Variants in GRIK1 observed in about 807,000 individuals in gnomAD.
The protein encoded by GRIK1 is glutamate receptor ionotropic, kainate 1.
GRIK1 carries 69 observed loss-of-function variants against 105.7 expected under a neutral mutation model. That is an observed-to-expected ratio of 0.65 (90% CI 0.54 to 0.80). The LOEUF (loss-of-function observed/expected upper bound fraction) is 0.80, where lower values mean the gene tolerates loss of function less well. Ranked by LOEUF, GRIK1 falls within the 30% of genes least tolerant of loss-of-function variation. GRIK1 has a pLI of 0.00. For missense variants in GRIK1, 1,109 were observed against 1,167.3 expected, an observed-to-expected ratio of 0.95 and a Z score of 0.73; for synonymous variants, 438 against 431.3, an observed-to-expected ratio of 1.02 and a Z score of -0.19.
At position 29,651,162 on chromosome 21, in the gene GRIK1, C is replaced by T. The variant is rs548090334; in HGVS notation, c.910G>A (p.Ala304Thr). Residue 304 changes from alanine to threonine, a missense_variant, in exon 6 of 18, where the codon GCC becomes ACC. Around this residue, in one of 5 missense-constraint regions of GRIK1, gnomAD observed 612 missense variants for 586.0 expected, o/e 1.04. Transcript: ENST00000327783. ...IEKWSMERLQAPPRPETGLLD... is the reference protein window; with the variant it reads ...IEKWSMERLQTPPRPETGLLD... Reference sequence around the variant, plus strand: ...AGGCCAGTCTCGGGCCTGGGTGGGGCCTGCAGTCTCTCCATGGACCACTTC... The same window carrying T: ...AGGCCAGTCTCGGGCCTGGGTGGGGTCTGCAGTCTCTCCATGGACCACTTC... 46 of 1,613,874 alleles carry T rather than the reference C, an allele frequency of 2.9e-5. No individual in the cohort carries two copies. In the South Asian group the frequency reaches 4.9e-4, roughly 17 times the overall value.
At chr21:29,780,116 G>T (rs1180129696) in intron 1 of GRIK1, among the ~76,000 whole-genome samples, 1 of 152,094 alleles carries the variant, frequency 6.6e-6, no homozygotes, top group Non-Finnish European at 1.5e-5. Flanking sequence ...TCTTAATTAG[G>T]TGGATTCAGT....
intron 1 of GRIK1, among the ~76,000 whole-genome samples, chr21:29,899,070 A>G (rs763408640): frequency 2.6e-5 from 4 of 152,198 alleles, no homozygotes; most frequent in Non-Finnish European, 1.5e-5. Flanking sequence ...TCTAAAAGTC[A>G]GTTTTTAACT....
chr21:29,828,759 A>G (rs1440299982), intron 1 of GRIK1, among the ~76,000 whole-genome samples: 2 of 152,118 alleles, frequency 1.3e-5, no homozygotes, highest in East Asian at 3.9e-4. Context: ...TTGGCCTTCA[A>G]AAGTGCTAGG....
At chr21:29,581,831 A>T (rs545726985) in intron 12 of GRIK1, among the ~76,000 whole-genome samples, 1 of 152,264 alleles carries the variant, frequency 6.6e-6, no homozygotes, top group African/African-American at 2.4e-5. Flanking sequence ...ATTCATTTCC[A>T]TATTACTGAA....
chr21:29,575,684 TAGCC>T (rs2090874363), intron 14 of GRIK1, among the ~76,000 whole-genome samples: 1 of 151,896 alleles, frequency 6.6e-6, no homozygotes, highest in African/African-American at 2.4e-5. Flanking sequence ...ATACAAAAAT[TAGCC>T]AGGTGTGGTG....
rs144064276 is a variant in GRIK1 at position 29,613,102 on chromosome 21, A to G, written c.1099-14165T>C. The stretch of plus-strand genomic sequence containing the variant: ...TAGTCTTTATCTAGTCGTTGTGAAA[A>G]TGAAAAGAGATAGTGCTTCAAAGCA... On this transcript the variant is annotated intron_variant, in intron 7 of 17. Coordinates refer to ENST00000327783, the MANE Select transcript of GRIK1 (RefSeq NM_001330994.2). Among the ~76,000 whole-genome samples, 208 of 152,288 alleles carry G rather than the reference A, an allele frequency of 1.4e-3. 2 individuals are homozygous for G. The highest frequency in any genetic ancestry group is 4.7e-3 in the African/African-American group (194 of 41,564).
At chr21:29,725,619 C>T (rs752617236) in intron 1 of GRIK1, among the ~76,000 whole-genome samples, 17 of 152,138 alleles carry the variant, frequency 1.1e-4, no homozygotes, top group Non-Finnish European at 5.9e-5. Flanking sequence ...CTATTAGAAC[C>T]ATAGCTTCAT....
At position 29,912,500 on chromosome 21, in the gene GRIK1, C is replaced by G. The variant is rs138844017; in HGVS notation, c.118+26883G>C. Among the ~76,000 whole-genome samples, 594 of 152,206 alleles carry G rather than the reference C, an allele frequency of 3.9e-3. 1 individual carries two copies. Among genetic ancestry groups the G allele is most frequent in the Middle Eastern group, 0.031 (9 of 294 alleles). ...CCAAAAATCGGCCAGAAGCCCCTCT[C>G]AGGTTTATTCTCCAAAATAAACCTG... On this transcript the variant is annotated intron_variant, in intron 1 of 17. Transcript: ENST00000327783.
chr21:29,547,177 CTCTG>C (rs1239609914), intron 16 of GRIK1, among the ~76,000 whole-genome samples: 6 of 152,166 alleles, frequency 3.9e-5, no homozygotes, highest in Non-Finnish European at 7.3e-5. Context: ...GTAAAATTCA[CTCTG>C]TCTGTAATGA....
At chr21:29,561,321 G>C (rs920346215) in intron 15 of GRIK1, among the ~76,000 whole-genome samples, 3 of 152,148 alleles carry the variant, frequency 2.0e-5, no homozygotes, top group African/African-American at 7.2e-5. Flanking sequence ...ACAATGTGAA[G>C]AGGATTAATT....
intron 16 of GRIK1, among the ~76,000 whole-genome samples, chr21:29,553,876 C>T (rs888750798): frequency 1.3e-5 from 2 of 152,088 alleles, no homozygotes; most frequent in African/African-American, 4.8e-5. Flanking sequence ...AAACAAGACA[C>T]CTCAAGAGCA....
At chr21:29,596,470 A>C (rs1356592641) in intron 9 of GRIK1, 56 bp downstream of exon 9, 1 of 1,185,046 alleles carries the variant, frequency 8.4e-7, no homozygotes, top group Non-Finnish European at 1.3e-6. Context: ...AGGCCTTTCC[A>C]ATGACATTCC....
intron 1 of GRIK1, among the ~76,000 whole-genome samples, chr21:29,928,077 T>C (rs1170942665): frequency 2.0e-5 from 3 of 152,054 alleles, no homozygotes; most frequent in Non-Finnish European, 2.9e-5. Flanking sequence ...GGGCCATACA[T>C]AAAATACATT....
chr21:29,549,373 AAAAAAT>A lies in GRIK1; in HGVS notation c.2607+5673_2607+5678del, dbSNP rs146501307. Among the ~76,000 whole-genome samples the A allele has an allele frequency of 8.3e-3, 1,264 of 152,350 alleles. 20 individuals are homozygous for A. The highest frequency in any genetic ancestry group is 0.029 in the African/African-American group (1,199 of 41,572). On this transcript the variant is annotated intron_variant, in intron 16 of 17. Coordinates refer to ENST00000327783, the MANE Select transcript of GRIK1 (RefSeq NM_001330994.2). ...AAAAAAATGTAAGAAAAGCTATTTA[AAAAAAT>A]AAAAATAAAAACACCCTTGTATTGG...
At chr21:29,938,003 CAT>C (rs905922057) in intron 1 of GRIK1, among the ~76,000 whole-genome samples, 18 of 152,216 alleles carry the variant, frequency 1.2e-4, no homozygotes, top group Middle Eastern at 3.4e-3. Flanking sequence ...CTAGAAAAAA[CAT>C]GTGTGTAGTA....
chr21:29,928,023 C>G (rs1013681896), intron 1 of GRIK1, among the ~76,000 whole-genome samples: 1 of 152,084 alleles, frequency 6.6e-6, no homozygotes, highest in African/African-American at 2.4e-5. Context: ...GTTGTTCAAC[C>G]TTTTGGCTTC....
At chr21:29,756,268 C>T (rs1176314289) in intron 1 of GRIK1, among the ~76,000 whole-genome samples, 1 of 151,842 alleles carries the variant, frequency 6.6e-6, no homozygotes. Flanking sequence ...GCAGCCCCAG[C>T]TACTCGGGAG....
chr21:29,541,533 T>C (rs1300040934), intron 16 of GRIK1, among the ~76,000 whole-genome samples: 1 of 150,882 alleles, frequency 6.6e-6, no homozygotes, highest in Non-Finnish European at 1.5e-5. Flanking sequence ...TTATATACCA[T>C]AGTATATATT....
chr21:29,820,972 T>C (rs1417539617), intron 1 of GRIK1, among the ~76,000 whole-genome samples: 1 of 151,442 alleles, frequency 6.6e-6, no homozygotes, highest in African/African-American at 2.4e-5. Flanking sequence ...TACCAACATA[T>C]CTACTCACTT....
Sources: gnomAD v4.1 joint callset for allele counts (sites outside exome capture counted in the v4.1 genomes callset) on GRCh38, gnomAD v4.1.1 for gene constraint, gnomAD v4.1.1 regional missense constraint, MANE v1.5 for transcripts, NCBI Gene and HGNC (gene_info 2026-07-23, HGNC 2026-07-21) for gene names.